Variants in CDH13 observed in about 807,000 individuals in gnomAD.
The protein encoded by CDH13 is cadherin-13.
CDH13 carries 24 observed loss-of-function variants against 63.8 expected under a neutral mutation model. The ratio of observed to expected loss-of-function variants is 0.38; its 90% confidence interval spans 0.27 to 0.53. The LOEUF (loss-of-function observed/expected upper bound fraction) is 0.53, where lower values mean the gene tolerates loss of function less well. Ranked by LOEUF, CDH13 falls within the 20% of genes least tolerant of loss-of-function variation. CDH13 has a pLI of 0.85. For synonymous variants in CDH13, 503 were observed against 355.3 expected, an observed-to-expected ratio of 1.42 and a Z score of -4.67; for missense variants, 1,049 against 903.1, an observed-to-expected ratio of 1.16 and a Z score of -2.07.
At chr16:83,119,975 A>G (rs549579567) in intron 3 of CDH13, among the ~76,000 whole-genome samples, 1 of 152,330 alleles carries the variant, frequency 6.6e-6, no homozygotes, top group South Asian at 2.1e-4. Context: ...ATAAATATTC[A>G]CTGAAGTTTC....
chr16:83,403,988 G>A (rs2092006225), intron 6 of CDH13, among the ~76,000 whole-genome samples: 1 of 152,206 alleles, frequency 6.6e-6, no homozygotes, highest in Non-Finnish European at 1.5e-5. Context: ...TTTAGGAGAA[G>A]TAAGATGATT....
At chr16:82,812,362 A>T (rs1246371897) in intron 1 of CDH13, among the ~76,000 whole-genome samples, 1 of 152,180 alleles carries the variant, frequency 6.6e-6, no homozygotes, top group African/African-American at 2.4e-5. Context: ...AAAGAAAAAA[A>T]TGAGCGAGAA....
At chr16:83,344,725 T>A (rs536820700) in intron 5 of CDH13, 137 bp from the exon 6 acceptor site, 2 of 798,588 alleles carry the variant, frequency 2.5e-6, no homozygotes, top group Non-Finnish European at 4.0e-6. Context: ...CCAGTGACTA[T>A]CCTCTGAGAC....
At chr16:83,763,493 G>C (rs1914139566) in intron 11 of CDH13, among the ~76,000 whole-genome samples, 1 of 152,060 alleles carries the variant, frequency 6.6e-6, no homozygotes, top group Admixed American at 6.5e-5. Flanking sequence ...AGGGTGGGAG[G>C]GGCTCTGAAC....
chr16:83,078,567 C>T (rs773580355), intron 3 of CDH13, among the ~76,000 whole-genome samples: 2 of 152,172 alleles, frequency 1.3e-5, no homozygotes, highest in Admixed American at 6.5e-5. Context: ...TCCTGCTGTC[C>T]GGCCAGGTTC....
chr16:83,298,072 AAAAG>A lies in CDH13; in HGVS notation c.637-46786_637-46783del, dbSNP rs1413891907. On this transcript the variant is annotated intron_variant, in intron 5 of 13. Coordinates refer to ENST00000567109, the MANE Select transcript of CDH13 (RefSeq NM_001257.5). ...CAAAAAAAAAAAAAAAAGAAAAAGAAAAAGAAAAAAAGAAAAAAAAATTAGCCAG... is the reference window on the plus strand; with the variant it reads ...CAAAAAAAAAAAAAAAAGAAAAAGAAAAAAAAAGAAAAAAAAATTAGCCAG... 2.1e-4 allele frequency among the ~76,000 whole-genome samples: 31 copies of A among 150,350 alleles called. No homozygotes were observed. The East Asian group carries it at 5.3e-3, about 26-fold the overall frequency.
At chr16:83,644,095 C>T (rs551780647) in intron 8 of CDH13, among the ~76,000 whole-genome samples, 105 of 152,334 alleles carry the variant, frequency 6.9e-4, no homozygotes, top group African/African-American at 2.4e-3. Flanking sequence ...GTCCTTGGAC[C>T]CTGCAGCCTA....
At chr16:83,729,077 T>A (rs1376443497) in intron 10 of CDH13, 6 of 152,196 alleles carry the variant, frequency 3.9e-5, no homozygotes, top group Admixed American at 6.5e-5. Context: ...AGCTCCATCC[T>A]CATGACCTCA....
At chr16:82,763,666 A>ATTTTAT (rs1402131753) in intron 1 of CDH13, among the ~76,000 whole-genome samples, 1 of 152,066 alleles carries the variant, frequency 6.6e-6, no homozygotes, top group Non-Finnish European at 1.5e-5. Flanking sequence ...GAGCCTCTGG[A>ATTTTAT]TTTTATTTTT....
chr16:83,603,537 AT>A (rs1445833598), intron 8 of CDH13, among the ~76,000 whole-genome samples: 1 of 152,226 alleles, frequency 6.6e-6, no homozygotes, highest in Non-Finnish European at 1.5e-5. Context: ...GGTTCCTGTG[AT>A]TCAAAAGCTG....
chr16:82,679,523 A>C (rs952574723), intron 1 of CDH13, among the ~76,000 whole-genome samples: 1 of 152,238 alleles, frequency 6.6e-6, no homozygotes, highest in Non-Finnish European at 1.5e-5. Flanking sequence ...CAAATGGTGG[A>C]AACCGAGGCA....
At chr16:82,849,897 A>G (rs2039412468) in intron 1 of CDH13, among the ~76,000 whole-genome samples, 1 of 152,248 alleles carries the variant, frequency 6.6e-6, no homozygotes, top group South Asian at 2.1e-4. Context: ...CAATATTTTA[A>G]GCCCACTATT....
intron 6 of CDH13, among the ~76,000 whole-genome samples, chr16:83,466,916 T>C (rs902018): frequency 1 from 152,302 of 152,314 alleles, 76,145 homozygotes; most frequent in Non-Finnish European, 1. Flanking sequence ...ATTACTACAA[T>C]CAGTCTTTAT....
intron 3 of CDH13, among the ~76,000 whole-genome samples, chr16:83,090,513 G>T (rs538833321): frequency 1.3e-5 from 2 of 150,232 alleles, no homozygotes; most frequent in East Asian, 2.0e-4. Context: ...GGCAGAGGTT[G>T]CAGTGAGTCG....
chr16:83,181,056 C>T, intron 4 of CDH13: 2 of 1,455,784 alleles, frequency 1.4e-6, no homozygotes, highest in Non-Finnish European at 1.8e-6. Flanking sequence ...ATTTTCTCTA[C>T]AGAATGATGT....
Position 82,736,527 on chromosome 16 carries a change from G to C in CDH13, c.45+109390G>C, listed in dbSNP as rs1256430838. Among the ~76,000 whole-genome samples, 3 of 152,256 alleles carry C rather than the reference G, an allele frequency of 2.0e-5. No individual in the cohort carries two copies. The South Asian group carries it at 6.2e-4, about 32-fold the overall frequency. On this transcript the variant is annotated intron_variant, in intron 1 of 13. Coordinates refer to ENST00000567109, the MANE Select transcript of CDH13 (RefSeq NM_001257.5). ...AGAGCACTGCCACACACAGACATAAGAGCCATGGGGCAGCATCCCATTCCA... is the reference window on the plus strand; with the variant it reads ...AGAGCACTGCCACACACAGACATAACAGCCATGGGGCAGCATCCCATTCCA...
At chr16:83,419,621 A>G (rs1196502889) in intron 6 of CDH13, among the ~76,000 whole-genome samples, 2 of 152,206 alleles carry the variant, frequency 1.3e-5, no homozygotes, top group Non-Finnish European at 2.9e-5. Flanking sequence ...CATATTTCCT[A>G]CATAGAGGGG....
chr16:83,605,333 A>T (rs973298620), intron 8 of CDH13, among the ~76,000 whole-genome samples: 1 of 152,224 alleles, frequency 6.6e-6, no homozygotes, highest in Non-Finnish European at 1.5e-5. Flanking sequence ...ATTCATGATT[A>T]AACTTTCTGT....
intron 2 of CDH13, among the ~76,000 whole-genome samples, chr16:82,966,951 T>C (rs1253307258): frequency 2.6e-5 from 4 of 152,214 alleles, no homozygotes; most frequent in Non-Finnish European, 5.9e-5. Flanking sequence ...TAATGTTTTT[T>C]TATTGCAAAA....
Sources: gnomAD v4.1 joint callset for allele counts (sites outside exome capture counted in the v4.1 genomes callset) on GRCh38, gnomAD v4.1.1 for gene constraint, MANE v1.5 for transcripts, NCBI Gene and HGNC (gene_info 2026-07-23, HGNC 2026-07-21) for gene names.